Variants in CPS1 observed in about 807,000 individuals in gnomAD.
The protein encoded by CPS1 is carbamoyl-phosphate synthase [ammonia], mitochondrial.
In CPS1, 109 loss-of-function variants were observed where a neutral mutation model predicts 174.6. The ratio of observed to expected loss-of-function variants is 0.62; its 90% CI spans 0.53 to 0.73. The LOEUF (loss-of-function observed/expected upper bound fraction) is 0.73. Among genes scored for constraint, CPS1 ranks in the 30% least tolerant of loss-of-function variants. The probability of loss-of-function intolerance (pLI) is 0.00; values close to 1 mark genes in which losing one functional copy is unlikely to be tolerated. For missense variants in CPS1, 1,689 were observed against 1,821.9 expected, an observed-to-expected ratio of 0.93 and a Z score of 1.33; for synonymous variants, 637 against 632.0, an observed-to-expected ratio of 1.01 and a Z score of -0.12.
intron 1 of CPS1, among the ~76,000 whole-genome samples, chr2:210,568,583 T>C (rs975887090): frequency 6.6e-6 from 1 of 152,048 alleles, no homozygotes; most frequent in African/African-American, 2.4e-5. Flanking sequence ...TATTAGATAC[T>C]ATGTGATGAG....
intron 1 of CPS1, among the ~76,000 whole-genome samples, chr2:210,532,725 A>G (rs1273234697): frequency 6.6e-6 from 1 of 152,176 alleles, no homozygotes; most frequent in African/African-American, 2.4e-5. Flanking sequence ...CTAAATAAAC[A>G]TATGTGTTTA....
At chr2:210,486,078 AT>A (rs1694707229) in intron 1 of CPS1, among the ~76,000 whole-genome samples, 2 of 146,462 alleles carry the variant, frequency 1.4e-5, no homozygotes, top group Non-Finnish European at 3.0e-5. Flanking sequence ...ATGTATATAT[AT>A]GTGTATATAT....
At chr2:210,591,794 T>C (rs1158931821) in intron 9 of CPS1, 37 bp from the exon 10 acceptor site, 2 of 1,605,996 alleles carry the variant, frequency 1.2e-6, no homozygotes, top group African/African-American at 2.7e-5. Context: ...CTCTTCACTT[T>C]TCCTTTTCCC....
intron 28 of CPS1, 39 bp downstream of exon 28, chr2:210,650,477 A>G: frequency 7.4e-7 from 1 of 1,345,624 alleles, no homozygotes; most frequent in Non-Finnish European, 1.1e-6. Context: ...TTATCTCTTA[A>G]TAAACATGTA....
At chr2:210,643,558 G>A (rs1700289813) in intron 25 of CPS1, among the ~76,000 whole-genome samples, 1 of 152,040 alleles carries the variant, frequency 6.6e-6, no homozygotes, top group Non-Finnish European at 1.5e-5. Flanking sequence ...TATTTTAAAT[G>A]AATCGTCTGA....
At chr2:210,620,205 A>T (rs1019069849) in intron 21 of CPS1, among the ~76,000 whole-genome samples, 2 of 152,180 alleles carry the variant, frequency 1.3e-5, no homozygotes, top group Non-Finnish European at 2.9e-5. Flanking sequence ...GGAAATTATT[A>T]AAAAAGATAT....
Position 210,660,468 on chromosome 2 carries a change from G to A in CPS1, c.3757-17G>A, listed in dbSNP as rs561056761. 9 of 1,613,366 alleles carry A rather than the reference G, an allele frequency of 5.6e-6. No homozygotes were observed. The highest frequency in any genetic ancestry group is 7.6e-6 in the Non-Finnish European group (9 of 1,179,386). ...CTCTCAATGTCCTCTTTCTCATTTT[G>A]AATTTTATCTCTTCAGGTGATTGAG... On this transcript the variant is annotated splice_polypyrimidine_tract_variant and intron_variant, in intron 31 of 37. Transcript: ENST00000233072.
chr2:210,665,019 T>C (rs570924181), intron 33 of CPS1, among the ~76,000 whole-genome samples: 11 of 152,348 alleles, frequency 7.2e-5, no homozygotes, highest in Admixed American at 3.9e-4. Context: ...TAATGGCACA[T>C]TTAACTACTT....
At chr2:210,635,733 A>C (rs561988814) in intron 21 of CPS1, among the ~76,000 whole-genome samples, 3 of 152,354 alleles carry the variant, frequency 2.0e-5, no homozygotes, top group African/African-American at 7.2e-5. Flanking sequence ...TTGCTCTGAG[A>C]GAATGCTTAT....
intron 24 of CPS1, 135 bp downstream of exon 24, chr2:210,640,194 G>A (rs1420283484): frequency 1.5e-6 from 1 of 647,920 alleles, no homozygotes; most frequent in Non-Finnish European, 2.6e-6. Context: ...GGAAGCTGGG[G>A]TTCAGAAAAA....
chr2:210,576,001 C>G (rs1333296495), intron 2 of CPS1, among the ~76,000 whole-genome samples: 1 of 151,816 alleles, frequency 6.6e-6, no homozygotes, highest in Admixed American at 6.6e-5. Context: ...CCAGGGAAAT[C>G]TTTAGAGTAT....
chr2:210,578,368 C>G (rs1697784067), intron 4 of CPS1, among the ~76,000 whole-genome samples: 2 of 152,134 alleles, frequency 1.3e-5, no homozygotes, highest in Non-Finnish European at 2.9e-5. Flanking sequence ...ACTCAGCCTC[C>G]CAAAGTGCTG....
rs1298600680 is a variant in CPS1 at position 210,592,973 on chromosome 2, A to G, written c.1164+17A>G. On this transcript the variant is annotated intron_variant, in intron 11 of 37. Coordinates refer to ENST00000233072, the MANE Select transcript of CPS1 (RefSeq NM_001875.5). ...GACACTGAGGTACGTCAAAAAGATG[A>G]GGCCTATTATGTATGCAAAAAAAAA... The G allele has an allele frequency of 2.5e-6, 4 of 1,605,304 alleles. No homozygotes were observed. The highest frequency in any genetic ancestry group is 3.4e-6 in the Non-Finnish European group (4 of 1,172,766).
At chr2:210,551,931 G>A (rs1696743154), upstream of CPS1, among the ~76,000 whole-genome samples, 1 of 151,918 alleles carries the variant, frequency 6.6e-6, no homozygotes, top group South Asian at 2.1e-4. Flanking sequence ...AAACTTTGAG[G>A]AATCCTCCTA....
rs553491168 is a variant in CPS1 at position 210,589,959 on chromosome 2, A to C, written c.712-147A>C. On this transcript the variant is annotated intron_variant, in intron 7 of 37. Coordinates refer to ENST00000233072, the MANE Select transcript of CPS1 (RefSeq NM_001875.5). The stretch of plus-strand genomic sequence containing the variant: ...TGAGCCACCAAGCCCGGCCCCAAAG[A>C]AATTTTTGCTCAGCATTATTTATTT... 1.0e-5 allele frequency: 11 copies of C among 1,061,568 alleles called. No homozygotes were observed. The African/African-American group carries it at 1.6e-4, about 15-fold the overall frequency. The allele number at this position is 1,061,568 out of a possible 1,614,324, so 65.8% of individuals were successfully genotyped here. A position where few individuals can be genotyped will look rare whatever the true frequency, so the allele number is the denominator to read the frequency against.
At chr2:210,653,920 G>A in intron 28 of CPS1, 105 bp from the exon 29 acceptor site, 1 of 851,602 alleles carries the variant, frequency 1.2e-6, no homozygotes, top group South Asian at 1.4e-5. Context: ...TGAGTATTTT[G>A]CAAGTATTGC....
At chr2:210,658,914 A>T (rs1431344501) in intron 31 of CPS1, among the ~76,000 whole-genome samples, 1 of 152,180 alleles carries the variant, frequency 6.6e-6, no homozygotes, top group Non-Finnish European at 1.5e-5. Context: ...TGTAAAGCAC[A>T]CTGATCCACT....
At chr2:210,552,630 A>AT (rs902950170), upstream of CPS1, among the ~76,000 whole-genome samples, 73 of 146,884 alleles carry the variant, frequency 5.0e-4, 2 homozygotes, top group South Asian at 7.2e-3. Flanking sequence ...TCCTGTTCTC[A>AT]TTTTTTTTTT....
intron 30 of CPS1, chr2:210,658,148 G>C (rs1700782132): frequency 1.3e-5 from 3 of 226,398 alleles, no homozygotes; most frequent in African/African-American, 2.3e-5. Context: ...AGAGTCCAGG[G>C]CAACAGAAAA....
Sources: allele counts gnomAD v4.1 joint callset (sites outside exome capture counted in the v4.1 genomes callset), GRCh38; gene constraint gnomAD v4.1.1; transcripts MANE v1.5; gene names NCBI Gene and HGNC (gene_info 2026-07-23, HGNC 2026-07-21).